The following IL1RAPL1 variants were observed in gnomAD, a reference collection of about 807,000 sequenced individuals.
IL1RAPL1 encodes interleukin-1 receptor accessory protein-like 1.
In IL1RAPL1, 3 loss-of-function variants were observed where a neutral mutation model predicts 48.4. The ratio of observed to expected loss-of-function variants is 0.06; its 90% CI spans 0.03 to 0.16. IL1RAPL1 has a LOEUF of 0.16. IL1RAPL1 is among the 10% of genes least tolerant of loss of function. The pLI is 1.00. For synonymous variants in IL1RAPL1, 185 were observed against 187.7 expected (o/e 0.99, Z 0.12); for missense variants, 349 against 530.6 (o/e 0.66, Z 3.36).
chrX:29,409,219 A>G (rs1020631585), intron 5 of IL1RAPL1, among the ~76,000 whole-genome samples: 1 of 112,227 alleles, frequency 8.9e-6, no homozygotes, highest in African/African-American at 3.2e-5. Context: ...ATGTTTGCTA[A>G]CATTCCAGGA....
intron 2 of IL1RAPL1, among the ~76,000 whole-genome samples, chrX:29,075,862 G>A (rs1010422103): frequency 2.7e-5 from 3 of 111,718 alleles, no homozygotes; most frequent in Non-Finnish European, 5.7e-5. Context: ...ACATAGGAGT[G>A]CTTTCTCTCT....
chrX:29,212,588 C>T (rs775244229), intron 2 of IL1RAPL1, among the ~76,000 whole-genome samples: 2 of 112,046 alleles, frequency 1.8e-5, no homozygotes, highest in African/African-American at 3.2e-5. Context: ...GGATTACAGG[C>T]GTGAGCCACC....
At chrX:28,892,128 G>A (rs1312917443) in intron 2 of IL1RAPL1, among the ~76,000 whole-genome samples, 1 of 110,479 alleles carries the variant, frequency 9.1e-6, no homozygotes, top group Non-Finnish European at 1.9e-5. Flanking sequence ...TTTCACTCGC[G>A]TCCGAGTGAA....
chrX:28,876,798 A>G (rs1922386308), intron 2 of IL1RAPL1, among the ~76,000 whole-genome samples: 1 of 111,451 alleles, frequency 9.0e-6, no homozygotes, highest in South Asian at 3.7e-4. Flanking sequence ...CAACTATTAA[A>G]TCAAGATTTT....
At chrX:29,656,801 T>A (rs1237992486) in intron 5 of IL1RAPL1, among the ~76,000 whole-genome samples, 1 of 111,540 alleles carries the variant, frequency 9.0e-6, no homozygotes, top group Non-Finnish European at 1.9e-5. Flanking sequence ...TATTCTACAT[T>A]AGGTGGTTTA....
intron 3 of IL1RAPL1, among the ~76,000 whole-genome samples, chrX:29,314,074 T>C (rs1453188418): frequency 8.9e-6 from 1 of 111,852 alleles, no homozygotes; most frequent in Non-Finnish European, 1.9e-5. Flanking sequence ...TGCAAATAAT[T>C]AGTGTAAATT....
intron 2 of IL1RAPL1, among the ~76,000 whole-genome samples, chrX:29,144,037 T>C (rs1452813504): frequency 4.5e-5 from 5 of 111,590 alleles, no homozygotes; most frequent in African/African-American, 1.6e-4. Context: ...TTAACCTTCA[T>C]TGTGTAGTCA....
At chrX:29,641,866 T>A (rs1925180191) in intron 5 of IL1RAPL1, among the ~76,000 whole-genome samples, 1 of 112,440 alleles carries the variant, frequency 8.9e-6, no homozygotes, top group African/African-American at 3.2e-5. Context: ...ATGGAGCTCA[T>A]GTCTCCATCT....
intron 6 of IL1RAPL1, among the ~76,000 whole-genome samples, chrX:29,672,500 C>T (rs893230013): frequency 4.7e-4 from 52 of 111,059 alleles, no homozygotes; most frequent in African/African-American, 1.5e-3. Context: ...TGAGTTTATC[C>T]GTATTTGAAA....
At chrX:29,595,498 G>C (rs1923514872) in intron 5 of IL1RAPL1, among the ~76,000 whole-genome samples, 1 of 111,990 alleles carries the variant, frequency 8.9e-6, no homozygotes, top group Non-Finnish European at 1.9e-5. Flanking sequence ...TAGTGATGTT[G>C]AGCATTTTTC....
At chrX:29,381,833 A>AATATATATATAT (rs35091339) in intron 3 of IL1RAPL1, among the ~76,000 whole-genome samples, 20 of 25,373 alleles carry the variant, frequency 7.9e-4, no homozygotes, top group African/African-American at 2.1e-3. Context: ...AAAAAAAAAA[A>AATATATATATAT]ATATATATAT....
At chrX:28,888,763 A>T (rs1287889643) in intron 2 of IL1RAPL1, among the ~76,000 whole-genome samples, 1 of 111,729 alleles carries the variant, frequency 9.0e-6, no homozygotes, top group East Asian at 2.8e-4. Flanking sequence ...TGCTAATATA[A>T]CATTAAATAT....
intron 5 of IL1RAPL1, among the ~76,000 whole-genome samples, chrX:29,625,280 T>G (rs2147076534): frequency 8.9e-6 from 1 of 111,991 alleles, no homozygotes; most frequent in South Asian, 3.7e-4. Context: ...ATGTAAGTCA[T>G]CTGAAAGTAT....
At chrX:28,778,293 G>A (rs1194832639) in intron 1 of IL1RAPL1, among the ~76,000 whole-genome samples, 1 of 112,116 alleles carries the variant, frequency 8.9e-6, no homozygotes, top group Non-Finnish European at 1.9e-5. Flanking sequence ...GTACTGAATT[G>A]TAAACACACA....
intron 2 of IL1RAPL1, among the ~76,000 whole-genome samples, chrX:29,184,670 T>G (rs1278048741): frequency 9.1e-6 from 1 of 110,337 alleles, no homozygotes; most frequent in Non-Finnish European, 1.9e-5. Context: ...ATGGCTACTT[T>G]TTGTATTTTT....
At chrX:28,713,554 G>A (rs980760084) in intron 1 of IL1RAPL1, among the ~76,000 whole-genome samples, 1 of 110,832 alleles carries the variant, frequency 9.0e-6, no homozygotes, top group Non-Finnish European at 1.9e-5. Flanking sequence ...TATATATGAT[G>A]GGTTGTCACT....
intron 6 of IL1RAPL1, among the ~76,000 whole-genome samples, chrX:29,789,204 G>A (rs188791916): frequency 8.0e-5 from 9 of 111,834 alleles, no homozygotes; most frequent in Middle Eastern, 4.6e-3. Context: ...TTTTGAGTGC[G>A]TGTGTTAGCT....
chrX:29,935,347 C>G (rs1933015557), intron 8 of IL1RAPL1, among the ~76,000 whole-genome samples: 1 of 111,267 alleles, frequency 9.0e-6, no homozygotes, highest in African/African-American at 3.3e-5. Flanking sequence ...TTGCCTGAAT[C>G]AATTATTATT....
chrX:28,850,822 A>G (rs1921640382), intron 2 of IL1RAPL1, among the ~76,000 whole-genome samples: 1 of 104,176 alleles, frequency 9.6e-6, no homozygotes, highest in Non-Finnish European at 1.9e-5. Flanking sequence ...CTAAACTTAT[A>G]TACCCCTATG....
Sources: allele counts gnomAD v4.1 joint callset (sites outside exome capture counted in the v4.1 genomes callset), GRCh38; gene constraint gnomAD v4.1.1; transcripts MANE v1.5; gene names NCBI Gene and HGNC (gene_info 2026-07-23, HGNC 2026-07-21).